The following FARS2 variants were observed in gnomAD, a reference collection of about 807,000 sequenced individuals.
The protein encoded by FARS2 is phenylalanine--tRNA ligase, mitochondrial.
FARS2 carries 40 observed loss-of-function variants against 46.4 expected under a neutral mutation model. The observed-to-expected ratio is 0.86, with a 90% CI of 0.67 to 1.12. FARS2 has a LOEUF of 1.12. Ranked by LOEUF, FARS2 falls within the 50% of genes most tolerant of loss-of-function variation. The probability of loss-of-function intolerance (pLI) is 0.00; values close to 1 mark genes in which losing one functional copy is unlikely to be tolerated. For synonymous variants in FARS2, 234 were observed against 214.9 expected (o/e 1.09, Z -0.78); for missense variants, 513 against 567.9 (o/e 0.90, Z 0.98).
At chr6:5,265,120 G>A (rs1312125937) in intron 1 of FARS2, among the ~76,000 whole-genome samples, 2 of 152,070 alleles carry the variant, frequency 1.3e-5, no homozygotes, top group Non-Finnish European at 2.9e-5. Context: ...TTTGACAGTT[G>A]CTGCGATATG....
chr6:5,407,530 A>G (rs920235489), intron 3 of FARS2, among the ~76,000 whole-genome samples: 3 of 152,280 alleles, frequency 2.0e-5, no homozygotes, highest in African/African-American at 7.2e-5. Flanking sequence ...CAACTTCAGG[A>G]TAATGTTTTT....
chr6:5,653,302 A>T (rs1777456013), intron 6 of FARS2, among the ~76,000 whole-genome samples: 1 of 152,238 alleles, frequency 6.6e-6, no homozygotes, highest in Non-Finnish European at 1.5e-5. Context: ...TGATTTTAAC[A>T]AAAAAGTACA....
intron 5 of FARS2, among the ~76,000 whole-genome samples, chr6:5,546,496 C>T (rs558221099): frequency 1.2e-4 from 18 of 151,036 alleles, no homozygotes; most frequent in African/African-American, 3.2e-4. Context: ...GTGATTCGCC[C>T]GCCTTGGCCT....
chr6:5,707,052 G>T (rs776942390), intron 6 of FARS2, among the ~76,000 whole-genome samples: 2 of 152,198 alleles, frequency 1.3e-5, no homozygotes, highest in African/African-American at 4.8e-5. Context: ...GCACTTGCTT[G>T]CTCTCACTCA....
intron 6 of FARS2, among the ~76,000 whole-genome samples, chr6:5,623,850 C>A (rs1775902124): frequency 6.6e-6 from 1 of 152,176 alleles, no homozygotes; most frequent in African/African-American, 2.4e-5. Context: ...GATGACATTT[C>A]TGGTTTGCAA....
chr6:5,640,706 A>G (rs1225069006), intron 6 of FARS2, among the ~76,000 whole-genome samples: 2 of 152,186 alleles, frequency 1.3e-5, no homozygotes, highest in Non-Finnish European at 2.9e-5. Context: ...TTAACCTAAC[A>G]ATACTGCACA....
intron 1 of FARS2, among the ~76,000 whole-genome samples, chr6:5,294,374 C>T (rs72815618): frequency 0.086 from 13,009 of 152,038 alleles, 726 homozygotes; most frequent in Middle Eastern, 0.13. Context: ...TGCGTTTTTC[C>T]TCTACTCTTC....
intron 4 of FARS2, among the ~76,000 whole-genome samples, chr6:5,499,173 G>A (rs1022307165): frequency 6.6e-6 from 1 of 152,202 alleles, no homozygotes; most frequent in African/African-American, 2.4e-5. Context: ...TATCGATGAA[G>A]GCTGCATCTG....
intron 4 of FARS2, among the ~76,000 whole-genome samples, chr6:5,448,643 A>G (rs530876197): frequency 4.6e-5 from 7 of 152,354 alleles, no homozygotes; most frequent in African/African-American, 1.7e-4. Context: ...ATTAAAAACA[A>G]TGTTTCAGTG....
chr6:5,410,920 A>C (rs887052157), intron 3 of FARS2, among the ~76,000 whole-genome samples: 1 of 152,214 alleles, frequency 6.6e-6, no homozygotes, highest in Admixed American at 6.5e-5. Flanking sequence ...AGATGCAGGA[A>C]CCTAGACACA....
chr6:5,588,086 A>G (rs2150596000), intron 5 of FARS2, among the ~76,000 whole-genome samples: 1 of 152,158 alleles, frequency 6.6e-6, no homozygotes, highest in Admixed American at 6.5e-5. Flanking sequence ...AGGCCTCTTC[A>G]TAATCGAGTT....
intron 6 of FARS2, among the ~76,000 whole-genome samples, chr6:5,736,467 T>TCTC (rs140044117): frequency 0.052 from 7,852 of 151,948 alleles, 670 homozygotes; most frequent in African/African-American, 0.18. Context: ...CTGAGAGAAT[T>TCTC]CTCCTCCTCC....
the FARS2 span, among the ~76,000 whole-genome samples, chr6:5,254,323 T>A: frequency 2.0e-5 from 3 of 152,210 alleles, no homozygotes; most frequent in African/African-American, 7.2e-5. Flanking sequence ...GGAAAACGCT[T>A]CCTTGACTAG....
At chr6:5,474,514 C>T (rs1765996848) in intron 4 of FARS2, among the ~76,000 whole-genome samples, 2 of 152,144 alleles carry the variant, frequency 1.3e-5, no homozygotes, top group Admixed American at 6.5e-5. Context: ...CTACTACACA[C>T]CTAGGCTGTA....
At chr6:5,383,016 C>A (rs1464146144) in intron 2 of FARS2, among the ~76,000 whole-genome samples, 1 of 152,194 alleles carries the variant, frequency 6.6e-6, no homozygotes, top group East Asian at 1.9e-4. Context: ...ACTCGCTTTG[C>A]CTGTTCAAGT....
At chr6:5,572,799 A>C (rs1772731276) in intron 5 of FARS2, among the ~76,000 whole-genome samples, 1 of 152,094 alleles carries the variant, frequency 6.6e-6, no homozygotes, top group East Asian at 1.9e-4. Context: ...AAATGCTCCC[A>C]GTGATTCTTC....
At chr6:5,675,409 C>T (rs1778713542) in intron 6 of FARS2, among the ~76,000 whole-genome samples, 2 of 152,156 alleles carry the variant, frequency 1.3e-5, no homozygotes, top group Non-Finnish European at 2.9e-5. Context: ...GGAAACTTAT[C>T]AGAATTGTTG....
intron 5 of FARS2, among the ~76,000 whole-genome samples, chr6:5,571,272 G>A (rs1228117644): frequency 2.6e-5 from 4 of 152,200 alleles, no homozygotes; most frequent in African/African-American, 7.2e-5. Flanking sequence ...ATAAGCAGAT[G>A]TCAATTTCAT....
intron 4 of FARS2, among the ~76,000 whole-genome samples, chr6:5,488,260 G>A (rs1344337721): frequency 6.6e-6 from 1 of 152,158 alleles, no homozygotes; most frequent in East Asian, 1.9e-4. Flanking sequence ...ACATACATTA[G>A]TGATAATGTT....
Sources: allele counts gnomAD v4.1 joint callset (sites outside exome capture counted in the v4.1 genomes callset), GRCh38; gene constraint gnomAD v4.1.1; transcripts MANE v1.5; gene names NCBI Gene and HGNC (gene_info 2026-07-23, HGNC 2026-07-21).